SIK2: variants seen among roughly 807,000 people sequenced by gnomAD.
SIK2 encodes the protein serine/threonine-protein kinase SIK2.
SIK2 carries 29 observed loss-of-function variants against 103.2 expected under a neutral mutation model. The observed-to-expected ratio is 0.28, with a 90% CI of 0.21 to 0.38. SIK2 has a LOEUF of 0.38. SIK2 is among the 10% of genes least tolerant of loss of function. The pLI is 1.00. For missense variants in SIK2, 879 were observed against 1,171.0 expected (o/e 0.75, Z 3.64); for synonymous variants, 412 against 446.1 (o/e 0.92, Z 0.96).
At chr11:111,711,195 T>C (rs1943484844) in intron 8 of SIK2, among the ~76,000 whole-genome samples, 1 of 151,870 alleles carries the variant, frequency 6.6e-6, no homozygotes, top group African/African-American at 2.4e-5. Context: ...CTTGGCTCAC[T>C]GCAAGCTCCG....
rs190421635 is a variant in SIK2 at position 111,727,743 on chromosome 11, G to A, written c.*3614G>A. On this transcript the variant is annotated 3_prime_UTR_variant, in exon 15 of 15. Coordinates refer to ENST00000304987, the MANE Select transcript of SIK2 (RefSeq NM_015191.3). ...ATATTCTCAGCTCCAGAGTGATTAG[G>A]TGATCAGCCAGAAACTAAGGCAAGG... The A allele has an allele frequency of 5.2e-5, 8 of 152,426 alleles. No homozygotes were observed. Among genetic ancestry groups the A allele is most frequent in the African/African-American group, 1.9e-4 (8 of 41,572 alleles). 9.4% of individuals were successfully genotyped at this position (152,426 alleles called of 1,614,324 possible).
intron 3 of SIK2, among the ~76,000 whole-genome samples, chr11:111,639,097 C>T (rs1036792559): frequency 2.0e-5 from 3 of 152,164 alleles, no homozygotes; most frequent in Admixed American, 6.5e-5. Flanking sequence ...CTTGAATGAT[C>T]AGTAAACAGT....
At chr11:111,619,464 C>T (rs1315453747) in intron 2 of SIK2, among the ~76,000 whole-genome samples, 6 of 152,154 alleles carry the variant, frequency 3.9e-5, no homozygotes, top group Non-Finnish European at 7.3e-5. Flanking sequence ...CCACCTCAGC[C>T]TCCCAAGTAG....
Position 111,602,514 on chromosome 11 carries a change from C to T in SIK2, c.-50C>T. On this transcript the variant is annotated 5_prime_UTR_variant, in exon 1 of 15. Coordinates refer to ENST00000304987, the MANE Select transcript of SIK2 (RefSeq NM_015191.3). This position sits in a 1 kb window ranked among gnomAD's most constrained non-coding sequence, Gnocchi z 4.5. ...CCCAAGCCAAGCCGCGCTGCCAACC[C>T]TCCCGCCCGCCCGCGCTCCTGTCCG... The T allele has an allele frequency of 7.0e-7, 1 of 1,428,502 alleles. No homozygotes were observed. The highest frequency in any genetic ancestry group is 9.2e-7 in the Non-Finnish European group (1 of 1,092,746). 88.5% of individuals were successfully genotyped at this position (1,428,502 alleles called of 1,614,324 possible). A position where few individuals can be genotyped will look rare whatever the true frequency, so the allele number is the denominator to read the frequency against.
At chr11:111,682,515 G>A (rs1942789983) in intron 3 of SIK2, among the ~76,000 whole-genome samples, 1 of 152,152 alleles carries the variant, frequency 6.6e-6, no homozygotes, top group Non-Finnish European at 1.5e-5. Flanking sequence ...ATTATGTTAG[G>A]TTTGATAATG....
chr11:111,672,336 G>T (rs1942640329), intron 3 of SIK2: 3 of 467,542 alleles, frequency 6.4e-6, no homozygotes, highest in Non-Finnish European at 1.1e-5. Context: ...TCGTGGAGGA[G>T]CAGCTGCTGA....
At chr11:111,647,032 A>T (rs1361826749) in intron 3 of SIK2, among the ~76,000 whole-genome samples, 2 of 152,250 alleles carry the variant, frequency 1.3e-5, no homozygotes, top group Non-Finnish European at 2.9e-5. Context: ...TACTTTAAAA[A>T]TATAAGTATA....
Position 111,721,018 on chromosome 11 carries a change from C to CCGG in SIK2, c.1905_1907dup (p.Ala636dup). ...ACCGGAGGCAGACCCTAACCTGGCG[C>CCGG]CGGCGGCTCCTCAGCTCCAGGACCT... is the stretch of plus-strand genomic sequence containing the variant. On this transcript the variant is annotated inframe_insertion, in exon 12 of 15. Coordinates refer to ENST00000304987, the MANE Select transcript of SIK2 (RefSeq NM_015191.3). The CCGG allele has an allele frequency of 1.2e-6, 2 of 1,614,042 alleles. No individual in the cohort carries two copies. The highest frequency in any genetic ancestry group is 1.7e-6 in the Non-Finnish European group (2 of 1,179,946).
At position 111,645,391 on chromosome 11, in the gene SIK2, A is replaced by C. The variant is rs539821397; in HGVS notation, c.316+24989A>C. ...ACAGCAACAAAAGCCAGTGTACTAC[A>C]CTCAATGTGAATGACTCGTAAAAAC... is the stretch of plus-strand genomic sequence containing the variant. On this transcript the variant is annotated intron_variant, in intron 3 of 14. Coordinates refer to ENST00000304987, the MANE Select transcript of SIK2 (RefSeq NM_015191.3). Among the ~76,000 whole-genome samples, 15 of 152,330 alleles carry C rather than the reference A, an allele frequency of 9.8e-5. No individual in the cohort carries two copies. In the South Asian group the frequency reaches 1.5e-3, roughly 15 times the overall value.
At chr11:111,711,655 G>A (rs965895213) in intron 8 of SIK2, among the ~76,000 whole-genome samples, 2 of 152,212 alleles carry the variant, frequency 1.3e-5, no homozygotes, top group African/African-American at 4.8e-5. Context: ...GTCACCCCAT[G>A]TGACTGCTGC....
chr11:111,658,541 G>A (rs1452579624), intron 3 of SIK2, among the ~76,000 whole-genome samples: 1 of 152,108 alleles, frequency 6.6e-6, no homozygotes, highest in Non-Finnish European at 1.5e-5. Context: ...CTAGGAGTTC[G>A]AGACCAGCCT....
Position 111,719,776 on chromosome 11 carries a change from T to G in SIK2, c.1268T>G (p.Val423Gly). The change falls in exon 10 of 15, where the codon GTC becomes GGC. Residue 423 changes from valine (V) to glycine (G), a missense_variant and splice_region_variant. By Grantham distance (109) the Val-to-Gly change is moderately radical. Around this residue, in one of 7 missense-constraint regions of SIK2, gnomAD observed 222 missense variants for 258.0 expected, o/e 0.86. Coordinates refer to ENST00000304987, the MANE Select transcript of SIK2 (RefSeq NM_015191.3). The stretch of plus-strand genomic sequence containing the variant: ...TTTCCTCTCTCCCCTGGCGTTTAGG[T>G]CAATGGCTGTCTGCTTGACCCTGTG... ...MEEECVDTPK[V>G]NGCLLDPVPP... is the part of the protein sequence containing the mutation. The G allele has an allele frequency of 6.2e-7, 1 of 1,612,482 alleles. No homozygotes were observed. The highest frequency in any genetic ancestry group is 8.5e-7 in the Non-Finnish European group (1 of 1,179,494).
Position 111,720,715 on chromosome 11 carries a change from T to A in SIK2, c.1733T>A (p.Val578Glu). Residue 578 changes from valine (V) to glutamate (E), a missense_variant, in exon 11 of 15, where the codon GTG becomes GAG. Coordinates refer to ENST00000304987, the MANE Select transcript of SIK2 (RefSeq NM_015191.3). ...CGAGAGGTCCACAACAGGTCTCCAG[T>A]GAGCTTCAGAGAGGGCCGCAGAGCA... ...QKREVHNRSP[V>E]SFREGRRASD... The A allele has an allele frequency of 6.2e-7, 1 of 1,611,970 alleles. No homozygotes were observed. The highest frequency in any genetic ancestry group is 2.2e-5 in the East Asian group (1 of 44,862).
At position 111,727,163 on chromosome 11, in the gene SIK2, C is replaced by T; in HGVS notation, c.*3034C>T. The T allele has an allele frequency of 2.2e-6, 2 of 892,844 alleles. No homozygotes were observed. The highest frequency in any genetic ancestry group is 3.6e-6 in the Non-Finnish European group (2 of 549,122). The allele number at this position is 892,844 out of a possible 1,614,324, so 55.3% of individuals were successfully genotyped here. Reference sequence around the variant, plus strand: ...TGCCCCCTCGCCACCTCTGCCTGCACTGCCTTCTGTCACCGTGGGAAAAGG... The same window carrying T: ...TGCCCCCTCGCCACCTCTGCCTGCATTGCCTTCTGTCACCGTGGGAAAAGG... On this transcript the variant is annotated 3_prime_UTR_variant, in exon 15 of 15. Transcript: ENST00000304987.
At chr11:111,715,795 T>G (rs1204213176) in intron 9 of SIK2, among the ~76,000 whole-genome samples, 5 of 77,614 alleles carry the variant, frequency 6.4e-5, no homozygotes, top group Non-Finnish European at 1.5e-4. Context: ...ATTTTTAGCT[T>G]TTTTTTTTTT....
At chr11:111,702,411 C>G (rs1415966491) in intron 6 of SIK2, among the ~76,000 whole-genome samples, 1 of 152,098 alleles carries the variant, frequency 6.6e-6, no homozygotes, top group Non-Finnish European at 1.5e-5. Flanking sequence ...ATTGCAAGAC[C>G]CTGTCTCTAC....
intron 3 of SIK2, among the ~76,000 whole-genome samples, chr11:111,641,268 A>G (rs896777675): frequency 6.6e-6 from 1 of 152,180 alleles, no homozygotes; most frequent in Middle Eastern, 3.2e-3. Context: ...ATGAACCTCA[A>G]ATCCATAACC....
At chr11:111,627,280 A>G (rs1214668264) in intron 3 of SIK2, among the ~76,000 whole-genome samples, 1 of 152,076 alleles carries the variant, frequency 6.6e-6, no homozygotes, top group East Asian at 1.9e-4. Context: ...AGTCCCCCCT[A>G]TCAGAGGGGA....
At chr11:111,690,923 T>G (rs1478183243) in intron 4 of SIK2, among the ~76,000 whole-genome samples, 1 of 152,210 alleles carries the variant, frequency 6.6e-6, no homozygotes, top group African/African-American at 2.4e-5. Flanking sequence ...GAAACATACA[T>G]GCACATGTGT....
Sources: gnomAD v4.1 joint callset for allele counts (sites outside exome capture counted in the v4.1 genomes callset) on GRCh38, gnomAD v4.1.1 for gene constraint, gnomAD v4.1.1 regional missense constraint, Gnocchi (gnomAD v3.1) non-coding constraint, MANE v1.5 for transcripts, NCBI Gene and HGNC (gene_info 2026-07-23, HGNC 2026-07-21) for gene names.